The following MMP16 variants were observed in gnomAD, a reference collection of about 807,000 sequenced individuals.
MMP16 encodes matrix metalloproteinase-16.
In MMP16, 12 loss-of-function variants were observed where a neutral mutation model predicts 67.8. That is an observed-to-expected ratio of 0.18 (90% confidence interval 0.11 to 0.29). MMP16 has a LOEUF of 0.29. MMP16 is among the 10% of genes least tolerant of loss of function. The pLI is 1.00. For synonymous variants in MMP16, 249 were observed against 255.9 expected, an observed-to-expected ratio of 0.97 and a Z score of 0.26; for missense variants, 475 against 765.7, an observed-to-expected ratio of 0.62 and a Z score of 4.48.
At chr8:88,205,918 TTTTTC>T (rs1198445226) in intron 1 of MMP16, among the ~76,000 whole-genome samples, 1 of 152,132 alleles carries the variant, frequency 6.6e-6, no homozygotes, top group Non-Finnish European at 1.5e-5. Context: ...CAGTCATTCT[TTTTTC>T]TTTTACCTCA....
chr8:88,041,489 C>T lies in MMP16; in HGVS notation c.1796G>A (p.Cys599Tyr). The T allele has an allele frequency of 1.2e-6, 2 of 1,614,070 alleles. No homozygotes were observed. The highest frequency in any genetic ancestry group is 1.7e-6 in the Non-Finnish European group (2 of 1,179,942). ...RKGTPRHILY[C>Y]KRSMQEWV is the part of the protein sequence containing the mutation. ...CACCCACTCTTGCATAGAGCGTTTA[C>T]AGTACAGTATGTGGCGGGGTGTTCC... The change falls in exon 10 of 10, where the codon TGT (cysteine) becomes TAT (tyrosine). Residue 599 changes from cysteine to tyrosine, a missense_variant. Transcript: ENST00000286614. This position sits in a 1 kb window ranked among gnomAD's most constrained non-coding sequence, Gnocchi z 6.0.
chr8:88,184,916 A>G (rs1809049890), intron 3 of MMP16, among the ~76,000 whole-genome samples: 1 of 152,094 alleles, frequency 6.6e-6, no homozygotes, highest in Non-Finnish European at 1.5e-5. Context: ...ATATGAACTT[A>G]TTGGTATAAT....
At chr8:88,084,572 T>C (rs1456825927) in intron 6 of MMP16, among the ~76,000 whole-genome samples, 1 of 152,010 alleles carries the variant, frequency 6.6e-6, no homozygotes, top group Non-Finnish European at 1.5e-5. Flanking sequence ...TATTTAAAGA[T>C]GAAATTTCAT....
chr8:88,116,011 C>A (rs1419715794), intron 6 of MMP16, among the ~76,000 whole-genome samples: 2 of 151,996 alleles, frequency 1.3e-5, no homozygotes, highest in African/African-American at 4.8e-5. Context: ...AAAATGATAG[C>A]TTCATAGAGG....
At chr8:88,219,389 A>G (rs575311947) in intron 1 of MMP16, among the ~76,000 whole-genome samples, 1 of 152,190 alleles carries the variant, frequency 6.6e-6, no homozygotes, top group East Asian at 1.9e-4. Flanking sequence ...GGAATGGAGA[A>G]AGAGAGGAGA....
Position 88,223,348 on chromosome 8 carries a change from T to C in MMP16, c.133-26042A>G, listed in dbSNP as rs189358383. 3.9e-5 allele frequency among the ~76,000 whole-genome samples: 6 copies of C among 152,256 alleles called. No homozygotes were observed. In the East Asian group the frequency reaches 1.2e-3, roughly 29 times the overall value. On this transcript the variant is annotated intron_variant, in intron 1 of 9. Transcript: ENST00000286614. ...CCCAGCTTACCCATTACTGGGTATA[T>C]ACCCAAAGGATTTTAAATCATGCTA...
At chr8:88,201,765 T>A (rs1304070221) in intron 1 of MMP16, among the ~76,000 whole-genome samples, 1 of 152,008 alleles carries the variant, frequency 6.6e-6, no homozygotes, top group African/African-American at 2.4e-5. Flanking sequence ...TAAATTTTGT[T>A]ACAAAGTAAA....
At chr8:88,220,300 T>C (rs1351422999) in intron 1 of MMP16, among the ~76,000 whole-genome samples, 5 of 152,184 alleles carry the variant, frequency 3.3e-5, no homozygotes, top group Admixed American at 6.6e-5. Flanking sequence ...TGTTTTGTTA[T>C]GACTTTTAAG....
chr8:88,062,894 C>T (rs1808418132), intron 7 of MMP16, among the ~76,000 whole-genome samples: 1 of 152,080 alleles, frequency 6.6e-6, no homozygotes, highest in Non-Finnish European at 1.5e-5. Context: ...TCATATTTGA[C>T]TTTTTTTACT....
chr8:88,238,523 C>T (rs1480883334), intron 1 of MMP16, among the ~76,000 whole-genome samples: 1 of 151,764 alleles, frequency 6.6e-6, no homozygotes, highest in African/African-American at 2.4e-5. Context: ...CTGGATGCAG[C>T]TGGGCCCGGT....
chr8:88,233,196 T>C (rs188312123), intron 1 of MMP16, among the ~76,000 whole-genome samples: 26 of 152,306 alleles, frequency 1.7e-4, no homozygotes, highest in Middle Eastern at 6.8e-3. Context: ...ATGCCAGATA[T>C]TATTATTCCA....
chr8:88,180,337 A>AC (rs1249141790), intron 3 of MMP16, among the ~76,000 whole-genome samples: 1 of 152,028 alleles, frequency 6.6e-6, no homozygotes, highest in Admixed American at 6.6e-5. Context: ...GAGTAAAAAA[A>AC]AACAACAAAA....
At chr8:88,167,112 T>C (rs1330222158) in intron 4 of MMP16, among the ~76,000 whole-genome samples, 2 of 152,172 alleles carry the variant, frequency 1.3e-5, no homozygotes, top group South Asian at 2.1e-4. Context: ...CTCAGGAGGC[T>C]GAGGTAGGAG....
At chr8:88,241,213 T>C (rs1476459596) in intron 1 of MMP16, among the ~76,000 whole-genome samples, 1 of 152,140 alleles carries the variant, frequency 6.6e-6, no homozygotes, top group Non-Finnish European at 1.5e-5. Flanking sequence ...TATGTAGTGA[T>C]TGCACCTCCA....
At chr8:88,232,156 C>T (rs1241312679) in intron 1 of MMP16, among the ~76,000 whole-genome samples, 1 of 152,138 alleles carries the variant, frequency 6.6e-6, no homozygotes, top group Non-Finnish European at 1.5e-5. Flanking sequence ...TCATCCTCAT[C>T]AATTTAAACC....
chr8:88,184,288 C>T (rs1809031629), intron 3 of MMP16, among the ~76,000 whole-genome samples: 3 of 152,048 alleles, frequency 2.0e-5, no homozygotes, highest in African/African-American at 7.2e-5. Context: ...CTCAACAATG[C>T]TTTTAAGATA....
chr8:88,239,496 G>A (rs114150522), intron 1 of MMP16, among the ~76,000 whole-genome samples: 223 of 150,686 alleles, frequency 1.5e-3, no homozygotes, highest in African/African-American at 5.1e-3. Flanking sequence ...GGCATCTACC[G>A]TAAGTTCTCT....
At chr8:88,069,488 A>T (rs751216236) in intron 7 of MMP16, 2 of 525,646 alleles carry the variant, frequency 3.8e-6, no homozygotes, top group Non-Finnish European at 7.8e-6. Context: ...TGTAGAGCCA[A>T]CCATCTTGGA....
intron 6 of MMP16, among the ~76,000 whole-genome samples, chr8:88,101,406 C>T (rs1310501282): frequency 1.3e-5 from 2 of 152,016 alleles, no homozygotes; most frequent in South Asian, 2.1e-4. Flanking sequence ...CTAATAGTAA[C>T]TGCAAATGCA....
Sources: allele counts gnomAD v4.1 joint callset (sites outside exome capture counted in the v4.1 genomes callset), GRCh38; gene constraint gnomAD v4.1.1; non-coding constraint Gnocchi (gnomAD v3.1); transcripts MANE v1.5; gene names NCBI Gene and HGNC (gene_info 2026-07-23, HGNC 2026-07-21).